The following MAML3 variants were observed in gnomAD, a reference collection of about 807,000 sequenced individuals.
MAML3 encodes the protein mastermind-like protein 3.
In MAML3, 27 loss-of-function variants were observed where a neutral mutation model predicts 101.9. The ratio of observed to expected loss-of-function variants is 0.27; its 90% CI spans 0.20 to 0.37. The LOEUF is 0.37. Ranked by LOEUF, MAML3 falls within the 10% of genes least tolerant of loss-of-function variation. The pLI is 1.00. For missense variants in MAML3, 1,316 were observed against 1,444.9 expected, an observed-to-expected ratio of 0.91 and a Z score of 1.45; for synonymous variants, 501 against 555.9, an observed-to-expected ratio of 0.90 and a Z score of 1.39.
chr4:139,840,421 C>T (rs1205442109), intron 2 of MAML3, among the ~76,000 whole-genome samples: 12 of 152,136 alleles, frequency 7.9e-5, no homozygotes, highest in African/African-American at 2.9e-4. Flanking sequence ...GGTACTCTTA[C>T]TTCACATGAT....
chr4:139,907,800 C>T (rs1005788872), intron 1 of MAML3, among the ~76,000 whole-genome samples: 1 of 152,198 alleles, frequency 6.6e-6, no homozygotes, highest in Non-Finnish European at 1.5e-5. Flanking sequence ...TTCTGGCAAC[C>T]ACAACTTGGC....
chr4:140,099,571 G>A (rs1468625014), intron 1 of MAML3, among the ~76,000 whole-genome samples: 1 of 152,134 alleles, frequency 6.6e-6, no homozygotes, highest in African/African-American at 2.4e-5. Flanking sequence ...ACAGTTTGTA[G>A]CCAAACATGC....
intron 1 of MAML3, among the ~76,000 whole-genome samples, chr4:140,107,814 C>T (rs1162419570): frequency 6.6e-6 from 1 of 151,500 alleles, no homozygotes; most frequent in Non-Finnish European, 1.5e-5. Context: ...CAAAAAAATG[C>T]TTCTTTAGGT....
chr4:139,779,195 A>G (rs1337303736), intron 2 of MAML3, among the ~76,000 whole-genome samples: 1 of 152,092 alleles, frequency 6.6e-6, no homozygotes, highest in Non-Finnish European at 1.5e-5. Flanking sequence ...GATGTAATCT[A>G]TTTTATTTTT....
chr4:139,965,790 T>C (rs1734118378), intron 1 of MAML3, among the ~76,000 whole-genome samples: 1 of 152,170 alleles, frequency 6.6e-6, no homozygotes, highest in Non-Finnish European at 1.5e-5. Flanking sequence ...AAGAGTGTCT[T>C]GCTATGTTGT....
intron 2 of MAML3, among the ~76,000 whole-genome samples, chr4:139,868,483 A>C (rs1196593286): frequency 6.6e-6 from 1 of 152,230 alleles, no homozygotes; most frequent in African/African-American, 2.4e-5. Context: ...GTCACCTAAA[A>C]GGCAGTTTTA....
chr4:140,053,842 G>C (rs1560878675), intron 1 of MAML3, among the ~76,000 whole-genome samples: 1 of 152,096 alleles, frequency 6.6e-6, no homozygotes, highest in Non-Finnish European at 1.5e-5. Context: ...CCATTATTTT[G>C]AAAATCTTTT....
intron 1 of MAML3, among the ~76,000 whole-genome samples, chr4:139,900,325 C>T (rs1270188709): frequency 1.3e-5 from 2 of 152,144 alleles, no homozygotes; most frequent in Non-Finnish European, 2.9e-5. Flanking sequence ...GGGGGTGTGG[C>T]TGAATCTTTA....
chr4:140,072,486 C>G (rs963377593), intron 1 of MAML3, among the ~76,000 whole-genome samples: 1 of 151,952 alleles, frequency 6.6e-6, no homozygotes, highest in East Asian at 1.9e-4. Context: ...CCCTGACCAA[C>G]ATAAAGAAAC....
intron 1 of MAML3, among the ~76,000 whole-genome samples, chr4:140,017,640 C>T (rs1368961358): frequency 6.6e-6 from 1 of 151,664 alleles, no homozygotes; most frequent in African/African-American, 2.4e-5. Flanking sequence ...TATTGATACA[C>T]ACAACAGAGA....
At chr4:140,042,614 A>T (rs927535053) in intron 1 of MAML3, among the ~76,000 whole-genome samples, 1 of 149,322 alleles carries the variant, frequency 6.7e-6, no homozygotes, top group Non-Finnish European at 1.5e-5. Context: ...AGCCTGGGTG[A>T]GAGAGAGAGA....
At chr4:139,772,190 A>G (rs1730005948) in intron 2 of MAML3, among the ~76,000 whole-genome samples, 1 of 124,502 alleles carries the variant, frequency 8.0e-6, no homozygotes, top group East Asian at 2.9e-4. Flanking sequence ...CAGTGAGCCG[A>G]GATCGCGCCA....
intron 1 of MAML3, among the ~76,000 whole-genome samples, chr4:139,943,928 C>A (rs373258249): frequency 6.3e-5 from 8 of 127,432 alleles, no homozygotes; most frequent in Admixed American, 6.0e-4. Flanking sequence ...TGGAGTGCAG[C>A]GGTGCAATCT....
chr4:139,720,627 A>C (rs1728196998), intron 4 of MAML3, among the ~76,000 whole-genome samples: 1 of 152,214 alleles, frequency 6.6e-6, no homozygotes, highest in Admixed American at 6.5e-5. Flanking sequence ...TTGGGATCGT[A>C]CTGTGCATGT....
In MAML3 at chr4:139,872,777, G is replaced by GA. The variant is rs1317827261; in HGVS notation, c.2079+16579_2079+16580insT. On this transcript the variant is annotated intron_variant, in intron 2 of 4. Transcript: ENST00000509479. ...TATCAATAACAAGGTTGGGTTTAGA[G>GA]TTAAAAAAATAATCACACGGCCGGG... 3.8e-4 allele frequency among the ~76,000 whole-genome samples: 22 copies of GA among 58,574 alleles called. No individual in the cohort carries two copies. The East Asian group carries it at 9.7e-3, about 26-fold the overall frequency. The allele number at this position is 58,574 out of a possible 152,430, so 38.4% of individuals were successfully genotyped here.
chr4:139,811,126 G>T (rs1239609772), intron 2 of MAML3, among the ~76,000 whole-genome samples: 1 of 152,206 alleles, frequency 6.6e-6, no homozygotes, highest in African/African-American at 2.4e-5. Flanking sequence ...CCTCTCATCT[G>T]CCTGTGTCTG....
At chr4:140,029,926 GATGAAAT>G (rs1726881193) in intron 1 of MAML3, among the ~76,000 whole-genome samples, 1 of 152,148 alleles carries the variant, frequency 6.6e-6, no homozygotes, top group African/African-American at 2.4e-5. Flanking sequence ...AGATGATGAA[GATGAAAT>G]AAGTTGGGTT....
At chr4:139,979,801 G>A (rs752201240) in intron 1 of MAML3, among the ~76,000 whole-genome samples, 10 of 152,114 alleles carry the variant, frequency 6.6e-5, no homozygotes, top group Non-Finnish European at 1.2e-4. Flanking sequence ...CCGTGATCTC[G>A]GACTTCCCAG....
intron 1 of MAML3, among the ~76,000 whole-genome samples, chr4:140,075,011 A>G (rs1033386191): frequency 4.6e-5 from 7 of 152,174 alleles, no homozygotes; most frequent in Non-Finnish European, 1.0e-4. Context: ...CCAAAATCTA[A>G]AACACTTCTG....
Sources: allele counts gnomAD v4.1 joint callset (sites outside exome capture counted in the v4.1 genomes callset), GRCh38; gene constraint gnomAD v4.1.1; transcripts MANE v1.5; gene names NCBI Gene and HGNC (gene_info 2026-07-23, HGNC 2026-07-21).